The following TMEM132D variants were observed in gnomAD, a reference collection of about 807,000 sequenced individuals.
TMEM132D encodes the protein transmembrane protein 132D, also known as mature OL transmembrane protein.
A neutral mutation model predicts 62.3 loss-of-function variants in TMEM132D; 21 were observed. The observed-to-expected ratio is 0.34, with a 90% CI of 0.24 to 0.49. The LOEUF is 0.49. Ranked by LOEUF, TMEM132D falls within the 20% of genes least tolerant of loss-of-function variation. The probability of loss-of-function intolerance (pLI) is 0.99; values close to 1 mark genes in which losing one functional copy is unlikely to be tolerated. For missense variants in TMEM132D, 1,346 were observed against 1,402.8 expected (o/e 0.96, Z 0.65); for synonymous variants, 621 against 575.6 (o/e 1.08, Z -1.13).
At chr12:129,219,483 C>T (rs946717407) in intron 4 of TMEM132D, among the ~76,000 whole-genome samples, 7 of 152,118 alleles carry the variant, frequency 4.6e-5, no homozygotes, top group African/African-American at 9.7e-5. Context: ...CTGCCCAGCA[C>T]GAACGAGGGC....
At chr12:129,663,327 G>A (rs1880291511) in intron 2 of TMEM132D, among the ~76,000 whole-genome samples, 1 of 152,118 alleles carries the variant, frequency 6.6e-6, no homozygotes, top group African/African-American at 2.4e-5. Flanking sequence ...TAGTAGAGAT[G>A]GGGTTTCACC....
intron 3 of TMEM132D, among the ~76,000 whole-genome samples, chr12:129,466,660 C>T (rs549110874): frequency 6.6e-6 from 1 of 152,102 alleles, no homozygotes; most frequent in Non-Finnish European, 1.5e-5. Context: ...AGACACTGTT[C>T]GACAGGCACT....
At chr12:129,408,341 T>A (rs1244984429) in intron 3 of TMEM132D, among the ~76,000 whole-genome samples, 2 of 152,230 alleles carry the variant, frequency 1.3e-5, no homozygotes, top group South Asian at 2.1e-4. Context: ...TAGAATTTTT[T>A]AAAATTATAG....
chr12:129,354,862 C>T (rs774475295), intron 3 of TMEM132D, among the ~76,000 whole-genome samples: 6 of 152,238 alleles, frequency 3.9e-5, no homozygotes, highest in Non-Finnish European at 8.8e-5. Flanking sequence ...ATGCTCCCAC[C>T]TCTTCTTCCA....
Position 129,147,249 on chromosome 12 carries a change from T to C in TMEM132D, c.1443+62271A>G, listed in dbSNP as rs905324758. Among the ~76,000 whole-genome samples the C allele has an allele frequency of 4.6e-5, 7 of 150,986 alleles. No individual in the cohort carries two copies. In the East Asian group the frequency reaches 1.2e-3, roughly 25 times the overall value. On this transcript the variant is annotated intron_variant, in intron 5 of 8. Transcript: ENST00000422113. The stretch of plus-strand genomic sequence containing the variant: ...GTGTATGTATATATACATATGTTTA[T>C]GTATATATACATATGTGCATATGTA...
At chr12:129,264,382 C>T (rs1880631938) in intron 4 of TMEM132D, among the ~76,000 whole-genome samples, 1 of 151,914 alleles carries the variant, frequency 6.6e-6, no homozygotes, top group Admixed American at 6.6e-5. Context: ...GAGCGAAATC[C>T]TGTCTCAAAA....
intron 1 of TMEM132D, among the ~76,000 whole-genome samples, chr12:129,789,824 A>T (rs917724914): frequency 6.6e-6 from 1 of 152,218 alleles, no homozygotes; most frequent in East Asian, 1.9e-4. Context: ...TCTTTTATCC[A>T]TGAAAATTGC....
At chr12:129,248,667 C>T (rs1019819031) in intron 4 of TMEM132D, among the ~76,000 whole-genome samples, 2 of 152,032 alleles carry the variant, frequency 1.3e-5, no homozygotes, top group South Asian at 2.1e-4. Context: ...AGGTATTAAG[C>T]CTAGTATCCA....
intron 3 of TMEM132D, among the ~76,000 whole-genome samples, chr12:129,422,135 C>T (rs899813694): frequency 6.7e-6 from 1 of 149,370 alleles, no homozygotes; most frequent in Non-Finnish European, 1.5e-5. Context: ...CTTCTCATCT[C>T]CTACTGACAC....
chr12:129,621,220 C>T (rs1273135335), intron 2 of TMEM132D, among the ~76,000 whole-genome samples: 2 of 152,106 alleles, frequency 1.3e-5, no homozygotes, highest in African/African-American at 4.8e-5. Flanking sequence ...TTTGCCATGG[C>T]TGTGCGCTCT....
intron 3 of TMEM132D, among the ~76,000 whole-genome samples, chr12:129,457,427 C>T (rs532705772): frequency 4.0e-5 from 5 of 124,818 alleles, no homozygotes; most frequent in East Asian, 2.9e-4. Context: ...ACATCACACA[C>T]CGGGGCCTGT....
At chr12:129,883,449 T>A (rs74819051) in intron 1 of TMEM132D, among the ~76,000 whole-genome samples, 7,032 of 152,254 alleles carry the variant, frequency 0.046, 406 homozygotes, top group African/African-American at 0.14. Flanking sequence ...GCAGTTCTCA[T>A]TATCATTGAG....
At chr12:129,790,159 C>A (rs1871362588) in intron 1 of TMEM132D, among the ~76,000 whole-genome samples, 1 of 152,144 alleles carries the variant, frequency 6.6e-6, no homozygotes. Context: ...TTGGTACCAG[C>A]AGGAGCAAAA....
chr12:129,825,705 C>A (rs575796961), intron 1 of TMEM132D, among the ~76,000 whole-genome samples: 1 of 152,102 alleles, frequency 6.6e-6, no homozygotes, highest in Admixed American at 6.6e-5. Context: ...ACTGTGCCCT[C>A]GGGACGCCCA....
intron 1 of TMEM132D, among the ~76,000 whole-genome samples, chr12:129,746,029 G>A (rs1178340251): frequency 1.3e-5 from 2 of 152,194 alleles, no homozygotes; most frequent in African/African-American, 4.8e-5. Flanking sequence ...GACCATGAGA[G>A]AGATCCAGAA....
At chr12:129,313,486 A>G (rs933622893) in intron 4 of TMEM132D, among the ~76,000 whole-genome samples, 1 of 152,042 alleles carries the variant, frequency 6.6e-6, no homozygotes, top group Non-Finnish European at 1.5e-5. Context: ...GTCACTGAAA[A>G]TGCTGTTAAT....
chr12:129,759,188 C>A (rs2137273391), intron 1 of TMEM132D, among the ~76,000 whole-genome samples: 1 of 152,280 alleles, frequency 6.6e-6, no homozygotes, highest in Non-Finnish European at 1.5e-5. Context: ...CCTACCTCAG[C>A]CTCCCAAAGT....
At chr12:129,479,173 C>T (rs1566083085) in intron 3 of TMEM132D, among the ~76,000 whole-genome samples, 1 of 152,070 alleles carries the variant, frequency 6.6e-6, no homozygotes, top group Non-Finnish European at 1.5e-5. Context: ...AGGGCTGATG[C>T]TTAATCAATG....
At chr12:129,216,646 T>C (rs1879210721) in intron 4 of TMEM132D, among the ~76,000 whole-genome samples, 1 of 152,056 alleles carries the variant, frequency 6.6e-6, no homozygotes, top group Non-Finnish European at 1.5e-5. Context: ...AGTGATGGAG[T>C]GAGTGTCTCT....
Sources: gnomAD v4.1 joint callset for allele counts (sites outside exome capture counted in the v4.1 genomes callset) on GRCh38, gnomAD v4.1.1 for gene constraint, MANE v1.5 for transcripts, NCBI Gene and HGNC (gene_info 2026-07-23, HGNC 2026-07-21) for gene names.